The following HDAC9 variants were observed in gnomAD, a reference collection of about 807,000 sequenced individuals.
HDAC9 encodes MEF-2 interacting transcription repressor (MITR) protein.
Under a neutral mutation model 139.4 loss-of-function variants are expected in HDAC9, and 41 were observed. The ratio of observed to expected loss-of-function variants is 0.29; its 90% confidence interval spans 0.23 to 0.38. The LOEUF (loss-of-function observed/expected upper bound fraction) is 0.38. HDAC9 is among the 10% of genes least tolerant of loss of function. The pLI is 1.00. For missense variants in HDAC9, 1,147 were observed against 1,297.0 expected, an observed-to-expected ratio of 0.88 and a Z score of 1.78; for synonymous variants, 517 against 476.2, an observed-to-expected ratio of 1.09 and a Z score of -1.12.
intron 11 of HDAC9, among the ~76,000 whole-genome samples, chr7:18,653,735 A>G (rs185486495): frequency 7.9e-5 from 12 of 152,324 alleles, no homozygotes; most frequent in Non-Finnish European, 1.5e-4. Flanking sequence ...AGGCATGAAT[A>G]TAATTATGCT....
chr7:18,837,717 C>T (rs576718104), intron 21 of HDAC9, among the ~76,000 whole-genome samples: 1 of 152,076 alleles, frequency 6.6e-6, no homozygotes, highest in South Asian at 2.1e-4. Flanking sequence ...CTTTGTTTTC[C>T]CATCACAAAG....
chr7:18,333,307 G>A (rs1450935163), intron 1 of HDAC9, among the ~76,000 whole-genome samples: 1 of 151,440 alleles, frequency 6.6e-6, no homozygotes, highest in Non-Finnish European at 1.5e-5. Flanking sequence ...AATAGCACAT[G>A]TGTTGGATTA....
intron 16 of HDAC9, among the ~76,000 whole-genome samples, chr7:18,769,500 G>A (rs1790103752): frequency 6.6e-6 from 1 of 152,168 alleles, no homozygotes; most frequent in South Asian, 2.1e-4. Context: ...GACTCCATCA[G>A]TGCTGGAGAA....
intron 16 of HDAC9, among the ~76,000 whole-genome samples, chr7:18,786,698 TTC>T (rs1791828541): frequency 7.6e-6 from 1 of 131,572 alleles, no homozygotes; most frequent in Non-Finnish European, 1.6e-5. Context: ...ACATATCCCT[TTC>T]TGTGTCCTCG....
intron 1 of HDAC9, among the ~76,000 whole-genome samples, chr7:18,145,181 A>T (rs1225476013): frequency 1.3e-5 from 2 of 152,254 alleles, no homozygotes; most frequent in East Asian, 3.8e-4. Context: ...ACTATATGTC[A>T]TATGTCAAGC....
At chr7:18,715,498 T>C (rs1337014199) in intron 12 of HDAC9, among the ~76,000 whole-genome samples, 1 of 152,118 alleles carries the variant, frequency 6.6e-6, no homozygotes, top group Non-Finnish European at 1.5e-5. Context: ...GCTTGGTAAT[T>C]TATACACAAG....
At chr7:18,628,105 A>C (rs1562644919) in intron 6 of HDAC9, among the ~76,000 whole-genome samples, 1 of 152,208 alleles carries the variant, frequency 6.6e-6, no homozygotes, top group South Asian at 2.1e-4. Context: ...ATCTGGCTAC[A>C]TTATAACATT....
At chr7:18,653,475 G>A (rs954605176) in intron 11 of HDAC9, among the ~76,000 whole-genome samples, 29 of 151,792 alleles carry the variant, frequency 1.9e-4, no homozygotes, top group Middle Eastern at 3.4e-3. Flanking sequence ...CCTATGACTG[G>A]CTATCAGCCA....
rs937063559 is a variant in HDAC9 at position 18,996,138 on chromosome 7, G to A, written c.*76G>A. On this transcript the variant is annotated 3_prime_UTR_variant, in exon 26 of 26. Coordinates refer to ENST00000686413, the MANE Select transcript of HDAC9 (RefSeq NM_178425.4). ...CCCCCACCCCAGTACCCTCAGACAT[G>A]TCTTGTCTGCTGCCTGGGTGGCACA... 4.5e-6 allele frequency: 5 copies of A among 1,106,980 alleles called. No individual in the cohort carries two copies. The highest frequency in any genetic ancestry group is 3.1e-5 in the African/African-American group (2 of 64,260). 68.6% of individuals were successfully genotyped at this position (1,106,980 alleles called of 1,614,324 possible).
chr7:18,953,305 A>T (rs1051991891), intron 23 of HDAC9, among the ~76,000 whole-genome samples: 1 of 152,118 alleles, frequency 6.6e-6, no homozygotes, highest in East Asian at 1.9e-4. Flanking sequence ...TAGCTGGACA[A>T]CTATTTTATT....
chr7:18,172,837 C>T (rs1028960019), intron 2 of HDAC9, among the ~76,000 whole-genome samples: 4 of 152,156 alleles, frequency 2.6e-5, no homozygotes, highest in Admixed American at 1.3e-4. Flanking sequence ...AATTTCTCTT[C>T]TTTTACATTT....
intron 1 of HDAC9, among the ~76,000 whole-genome samples, chr7:18,132,602 T>C (rs942228917): frequency 6.6e-6 from 1 of 152,078 alleles, no homozygotes; most frequent in African/African-American, 2.4e-5. Context: ...CTCCTTTTTG[T>C]GGGATCCAAA....
At chr7:18,355,256 G>A (rs1308288805) in intron 1 of HDAC9, among the ~76,000 whole-genome samples, 1 of 151,990 alleles carries the variant, frequency 6.6e-6, no homozygotes, top group African/African-American at 2.4e-5. Context: ...CCCTTCTCAG[G>A]GTTACACAGA....
chr7:18,629,991 G>A (rs1336294679), intron 7 of HDAC9, among the ~76,000 whole-genome samples: 1 of 152,012 alleles, frequency 6.6e-6, no homozygotes, highest in South Asian at 2.1e-4. Context: ...TGGCAGGAGG[G>A]GGATATATTG....
intron 2 of HDAC9, among the ~76,000 whole-genome samples, chr7:18,506,568 A>G (rs553549252): frequency 6.8e-6 from 1 of 147,116 alleles, no homozygotes; most frequent in Non-Finnish European, 1.5e-5. Context: ...CAATTTCTCA[A>G]TTTTTTTTTT....
intron 23 of HDAC9, among the ~76,000 whole-genome samples, chr7:18,940,227 T>C (rs1451195695): frequency 6.6e-6 from 1 of 152,176 alleles, no homozygotes; most frequent in African/African-American, 2.4e-5. Context: ...GTTATCTGAG[T>C]GTTGCACCCA....
intron 2 of HDAC9, among the ~76,000 whole-genome samples, chr7:18,505,614 G>A (rs1037909036): frequency 3.3e-5 from 5 of 152,102 alleles, no homozygotes; most frequent in Admixed American, 2.6e-4. Context: ...TGCTTTATTG[G>A]ATGAATGTCA....
chr7:18,251,332 A>G (rs1278161422), intron 2 of HDAC9, among the ~76,000 whole-genome samples: 1 of 152,112 alleles, frequency 6.6e-6, no homozygotes, highest in Non-Finnish European at 1.5e-5. Flanking sequence ...CACTGGGAGG[A>G]AACAGCACAC....
intron 1 of HDAC9, among the ~76,000 whole-genome samples, chr7:18,423,030 T>C (rs979524841): frequency 2.6e-5 from 4 of 152,188 alleles, no homozygotes. Context: ...TATAGCAGAC[T>C]GCTATTGGGT....
Sources: gnomAD v4.1 joint callset for allele counts (sites outside exome capture counted in the v4.1 genomes callset) on GRCh38, gnomAD v4.1.1 for gene constraint, MANE v1.5 for transcripts, NCBI Gene and HGNC (gene_info 2026-07-23, HGNC 2026-07-21) for gene names.